Variants in DLGAP2 observed in about 807,000 individuals in gnomAD.
The protein encoded by DLGAP2 is DLG associated protein 2.
In DLGAP2, 26 loss-of-function variants were observed where a neutral mutation model predicts 100.3. That is an observed-to-expected ratio of 0.26 (90% CI 0.19 to 0.36). The LOEUF (loss-of-function observed/expected upper bound fraction) is 0.36. DLGAP2 is among the 10% of genes least tolerant of loss of function. The pLI is 1.00. For missense variants in DLGAP2, 1,858 were observed against 1,453.2 expected, an observed-to-expected ratio of 1.28 and a Z score of -4.53; for synonymous variants, 886 against 630.1, an observed-to-expected ratio of 1.41 and a Z score of -6.08.
At chr8:869,022 G>C (rs1431371760) in intron 1 of DLGAP2, among the ~76,000 whole-genome samples, 1 of 152,206 alleles carries the variant, frequency 6.6e-6, no homozygotes, top group South Asian at 2.1e-4. Flanking sequence ...AGGCTGCCGG[G>C]TTTCTCCACA....
At chr8:933,131 TGTTCCCTTCAGA>T (rs1393733276) in intron 2 of DLGAP2, among the ~76,000 whole-genome samples, 5 of 152,274 alleles carry the variant, frequency 3.3e-5, no homozygotes, top group African/African-American at 1.2e-4. Context: ...AGCTGCTGTC[TGTTCCCTTCAGA>T]GAAGGAAGCT....
At chr8:868,610 G>A (rs1797540295) in intron 1 of DLGAP2, among the ~76,000 whole-genome samples, 4 of 152,224 alleles carry the variant, frequency 2.6e-5, no homozygotes, top group Admixed American at 2.6e-4. Context: ...AAGAGCTGCA[G>A]GTTACGTTAG....
At chr8:1,233,046 G>A (rs914449821) in intron 2 of DLGAP2, among the ~76,000 whole-genome samples, 1 of 152,166 alleles carries the variant, frequency 6.6e-6, no homozygotes, top group African/African-American at 2.4e-5. Context: ...GGAATTTTGT[G>A]CCTGGTTTCT....
In DLGAP2 at chr8:1,695,033, C is replaced by A. The variant is rs912152030; in HGVS notation, c.2797-2114C>A. Among the ~76,000 whole-genome samples, 7 of 152,254 alleles carry A rather than the reference C, an allele frequency of 4.6e-5. No homozygotes were observed. In the South Asian group the frequency reaches 1.4e-3, roughly 32 times the overall value. On this transcript the variant is annotated intron_variant, in intron 13 of 14. Coordinates refer to ENST00000637795, the MANE Select transcript of DLGAP2 (RefSeq NM_001346810.2). ...GCCCAAAGGACGGGTGTGTTGTTGC[C>A]GAGGAGAGGAGGGGGGCACGGGAAG...
intron 3 of DLGAP2, among the ~76,000 whole-genome samples, chr8:1,347,192 G>C (rs1464328950): frequency 2.0e-5 from 3 of 151,884 alleles, no homozygotes; most frequent in South Asian, 4.1e-4. Context: ...TCTCATGGCG[G>C]CTGTGTGGAG....
intron 1 of DLGAP2, among the ~76,000 whole-genome samples, chr8:849,627 A>G (rs7845440): frequency 0.56 from 84,408 of 151,992 alleles, 23,733 homozygotes; most frequent in Admixed American, 0.6. Flanking sequence ...GCCTGGGCTA[A>G]TGGTCTCCCA....
chr8:1,154,725 G>C (rs984971311), intron 2 of DLGAP2, among the ~76,000 whole-genome samples: 2 of 152,128 alleles, frequency 1.3e-5, no homozygotes, highest in African/African-American at 2.4e-5. Context: ...TTTTCTCCCG[G>C]AGTCGGTCAG....
intron 3 of DLGAP2, among the ~76,000 whole-genome samples, chr8:1,414,412 C>T (rs934991088): frequency 3.9e-5 from 6 of 152,164 alleles, no homozygotes; most frequent in African/African-American, 7.2e-5. Flanking sequence ...TGAGTCAGGT[C>T]GTGACCCATG....
At chr8:1,564,521 C>T (rs1381040023) in intron 5 of DLGAP2, among the ~76,000 whole-genome samples, 2 of 152,210 alleles carry the variant, frequency 1.3e-5, no homozygotes, top group African/African-American at 2.4e-5. Flanking sequence ...TATGTATGGG[C>T]TCTCAGCTCT....
chr8:1,192,782 A>G (rs1797667431), intron 2 of DLGAP2, among the ~76,000 whole-genome samples: 1 of 151,210 alleles, frequency 6.6e-6, no homozygotes, highest in African/African-American at 2.4e-5. Flanking sequence ...TTAACTCCTC[A>G]TTTAACATTA....
At chr8:919,025 C>G (rs1429082014) in intron 2 of DLGAP2, among the ~76,000 whole-genome samples, 5 of 152,170 alleles carry the variant, frequency 3.3e-5, no homozygotes, top group Admixed American at 6.5e-5. Context: ...ACTGCAGCCT[C>G]AAGTTCCTGG....
intron 3 of DLGAP2, among the ~76,000 whole-genome samples, chr8:1,464,346 A>T (rs1584929772): frequency 6.7e-6 from 1 of 149,882 alleles, no homozygotes; most frequent in Non-Finnish European, 1.5e-5. Flanking sequence ...CCCTTCCAGG[A>T]CGGCACCCTT....
intron 2 of DLGAP2, among the ~76,000 whole-genome samples, chr8:928,067 G>A (rs1021359226): frequency 1.3e-5 from 2 of 152,214 alleles, no homozygotes; most frequent in African/African-American, 2.4e-5. Context: ...GCCCAGGGCT[G>A]AGGGTCTCAT....
intron 2 of DLGAP2, among the ~76,000 whole-genome samples, chr8:917,316 A>G (rs902999516): frequency 1.3e-5 from 2 of 149,230 alleles, no homozygotes; most frequent in Admixed American, 1.4e-4. Flanking sequence ...ACAGTTCACT[A>G]GAACCTCCAC....
chr8:1,441,907 C>T (rs1291182163), intron 3 of DLGAP2, among the ~76,000 whole-genome samples: 1 of 151,790 alleles, frequency 6.6e-6, no homozygotes, highest in African/African-American at 2.4e-5. Context: ...GGTCCATATA[C>T]ACTATGGAAT....
intron 2 of DLGAP2, among the ~76,000 whole-genome samples, chr8:1,042,332 C>T (rs1250369077): frequency 6.6e-6 from 1 of 152,212 alleles, no homozygotes. Context: ...GTGCCTAGTA[C>T]AGAAAGCAGA....
At chr8:967,508 A>G (rs975263045) in intron 2 of DLGAP2, among the ~76,000 whole-genome samples, 2 of 151,934 alleles carry the variant, frequency 1.3e-5, no homozygotes, top group African/African-American at 2.4e-5. Flanking sequence ...TTCGTGTTCA[A>G]TAGTTGTATG....
In DLGAP2 at chr8:1,521,812, T is replaced by G. The variant is rs1481114744; in HGVS notation, c.172+20381T>G. 2.1e-5 allele frequency among the ~76,000 whole-genome samples: 3 copies of G among 144,038 alleles called. No individual in the cohort carries two copies. In the Admixed American group the frequency reaches 2.1e-4, roughly 10 times the overall value. 94.5% of individuals were successfully genotyped at this position (144,038 alleles called of 152,430 possible). The stretch of plus-strand genomic sequence containing the variant: ...GCGGCAGGTGATATGGGGCATCTGG[T>G]TTGCACACTTGTTTTAATTTGGAAT... On this transcript the variant is annotated intron_variant, in intron 4 of 14. Coordinates refer to ENST00000637795, the MANE Select transcript of DLGAP2 (RefSeq NM_001346810.2).
intron 1 of DLGAP2, among the ~76,000 whole-genome samples, chr8:880,800 C>A (rs1797774490): frequency 6.6e-6 from 1 of 152,266 alleles, no homozygotes; most frequent in Admixed American, 6.5e-5. Context: ...GCCACTGTAA[C>A]TCCTGCTCGT....
Sources: allele counts gnomAD v4.1 joint callset (sites outside exome capture counted in the v4.1 genomes callset), GRCh38; gene constraint gnomAD v4.1.1; transcripts MANE v1.5; gene names NCBI Gene and HGNC (gene_info 2026-07-23, HGNC 2026-07-21).